NRK: variants seen among roughly 807,000 people sequenced by gnomAD.
NRK encodes nik-related protein kinase.
A neutral mutation model predicts 125.2 loss-of-function variants in NRK; 67 were observed. The observed-to-expected ratio is 0.54, with a 90% CI of 0.44 to 0.66. The LOEUF is 0.66. NRK is among the 30% of genes least tolerant of loss of function. The probability of loss-of-function intolerance (pLI) is 0.00; values close to 1 mark genes in which losing one functional copy is unlikely to be tolerated. For synonymous variants in NRK, 458 were observed against 429.0 expected, an observed-to-expected ratio of 1.07 and a Z score of -0.84; for missense variants, 1,224 against 1,192.9, an observed-to-expected ratio of 1.03 and a Z score of -0.38.
At chrX:105,855,353 T>A (rs764965510) in intron 2 of NRK, among the ~76,000 whole-genome samples, 1 of 111,744 alleles carries the variant, frequency 8.9e-6, no homozygotes, top group African/African-American at 3.2e-5. Context: ...AAGAAATAAT[T>A]GTAATACAAT....
intron 7 of NRK, 43 bp from the exon 8 acceptor site, chrX:105,898,541 T>G (rs2040114509): frequency 8.7e-7 from 1 of 1,145,949 alleles, no homozygotes. Flanking sequence ...ATTAAGCTTT[T>G]TTCTCCTGAT....
intron 23 of NRK, 42 bp downstream of exon 23, chrX:105,940,074 C>T (rs1409046884): frequency 4.1e-6 from 4 of 974,017 alleles, no homozygotes; most frequent in Non-Finnish European, 5.6e-6. Flanking sequence ...ATAAATTTTG[C>T]ATCCTTTCAT....
At chrX:105,885,718 C>G (rs1445825676) in intron 4 of NRK, among the ~76,000 whole-genome samples, 1 of 111,717 alleles carries the variant, frequency 9.0e-6, no homozygotes, top group Non-Finnish European at 1.9e-5. Context: ...ATGAAGGAGG[C>G]TGATGTTTGT....
chrX:105,935,376 T>C (rs1313402062), intron 21 of NRK, 51 bp downstream of exon 21: 2 of 832,156 alleles, frequency 2.4e-6, no homozygotes, highest in South Asian at 2.6e-5. Flanking sequence ...AGCAAACCTG[T>C]GAAAATCATA....
At chrX:105,825,973 T>A (rs1379589159) in intron 1 of NRK, among the ~76,000 whole-genome samples, 1 of 105,536 alleles carries the variant, frequency 9.5e-6, no homozygotes, top group Non-Finnish European at 1.9e-5. Context: ...AATATATGTG[T>A]GTATGTATAT....
intron 2 of NRK, among the ~76,000 whole-genome samples, chrX:105,850,594 T>G (rs766830362): frequency 2.6e-4 from 29 of 112,530 alleles, no homozygotes; most frequent in Non-Finnish European, 4.5e-4. Flanking sequence ...CCAAGTCACC[T>G]TTTGAATGCT....
intron 14 of NRK, among the ~76,000 whole-genome samples, chrX:105,915,075 AT>A (rs756909003): frequency 2.7e-5 from 3 of 109,184 alleles, no homozygotes; most frequent in Admixed American, 1.0e-4. Context: ...ATATTCAATG[AT>A]TGTATGATTA....
chrX:105,831,082 A>G lies in NRK; in HGVS notation c.86A>G (p.Lys29Arg). 8.6e-7 allele frequency: 1 copy of G among 1,168,556 alleles called. No homozygotes were observed. The highest frequency in any genetic ancestry group is 2.2e-5 in the Admixed American group (1 of 44,964). ...CCAACTGGAATATTCTCACTAGATA[A>G]AACCATTGGCCTTGGTACTTATGGC... is the stretch of plus-strand genomic sequence containing the variant. Reference protein sequence around the residue: ...PDPTGIFSLDKTIGLGTYGRI... With the variant: ...PDPTGIFSLDRTIGLGTYGRI... Residue 29 changes from lysine to arginine, a missense_variant, in exon 2 of 29, where the codon AAA becomes AGA. Transcript: ENST00000243300.
intron 2 of NRK, among the ~76,000 whole-genome samples, chrX:105,857,940 C>T (rs1474011113): frequency 2.7e-5 from 3 of 110,725 alleles, no homozygotes; most frequent in Non-Finnish European, 3.8e-5. Context: ...TAGTATCCAT[C>T]CCTTGCATCC....
intron 2 of NRK, among the ~76,000 whole-genome samples, chrX:105,833,807 C>T (rs369360949): frequency 5.9e-4 from 66 of 111,322 alleles, no homozygotes; most frequent in African/African-American, 2.0e-3. Flanking sequence ...CAATGTACAT[C>T]TTAAACTAAT....
At chrX:105,911,212 C>T (rs1031292410) in intron 13 of NRK, among the ~76,000 whole-genome samples, 4 of 111,869 alleles carry the variant, frequency 3.6e-5, no homozygotes, top group Non-Finnish European at 7.5e-5. Flanking sequence ...GTCACTAAAA[C>T]GTAATTGTTT....
At chrX:105,919,002 G>GAAAAAAAAAA (rs57376881) in intron 16 of NRK, among the ~76,000 whole-genome samples, 1 of 39,490 alleles carries the variant, frequency 2.5e-5, no homozygotes, top group African/African-American at 9.0e-5. Context: ...ATGGTTTCCT[G>GAAAAAAAAAA]AAAAAAAAAA....
intron 13 of NRK, 28 bp from the exon 14 acceptor site, chrX:105,912,620 A>G: frequency 1.2e-6 from 1 of 817,444 alleles, no homozygotes. Flanking sequence ...CAACAATTAA[A>G]ACAATTACTT....
chrX:105,905,602 C>T (rs2040210679), intron 10 of NRK, among the ~76,000 whole-genome samples: 1 of 112,529 alleles, frequency 8.9e-6, no homozygotes, highest in Admixed American at 9.4e-5. Context: ...TCAGTTGTTT[C>T]CCCAGTAATG....
At chrX:105,854,337 T>TTTGACTAGG (rs1194611693) in intron 2 of NRK, among the ~76,000 whole-genome samples, 1 of 111,907 alleles carries the variant, frequency 8.9e-6, no homozygotes, top group Admixed American at 9.5e-5. Flanking sequence ...AATCCAGTTG[T>TTTGACTAGG]TTGACTAGGT....
In NRK at chrX:105,951,182, CAT is replaced by C. The variant is rs747834735; in HGVS notation, c.4513+1449_4513+1450del. ...GCAAAAGAAAGTAAAAATAATGACT[CAT>C]GTTCTATCCTTTACAGTGGTACTTT... On this transcript the variant is annotated intron_variant, in intron 27 of 28. Coordinates refer to ENST00000243300, the MANE Select transcript of NRK (RefSeq NM_198465.4). Among the ~76,000 whole-genome samples the C allele has an allele frequency of 2.7e-5, 3 of 111,020 alleles. No homozygotes were observed. In the South Asian group the frequency reaches 1.1e-3, roughly 42 times the overall value.
intron 4 of NRK, among the ~76,000 whole-genome samples, chrX:105,887,941 T>A (rs2039968303): frequency 8.9e-6 from 1 of 112,114 alleles, no homozygotes; most frequent in African/African-American, 3.2e-5. Flanking sequence ...TTTAAATGGG[T>A]GAATTTTATA....
intron 5 of NRK, among the ~76,000 whole-genome samples, 196 bp downstream of exon 5, chrX:105,888,615 A>G (rs1468072973): frequency 9.0e-6 from 1 of 111,049 alleles, no homozygotes; most frequent in East Asian, 2.8e-4. Context: ...CATTAGACAT[A>G]CCCGAGACTA....
intron 2 of NRK, among the ~76,000 whole-genome samples, chrX:105,836,971 G>A (rs2039274148): frequency 8.9e-6 from 1 of 111,970 alleles, no homozygotes; most frequent in Admixed American, 9.5e-5. Context: ...TTTTTTAAAA[G>A]TTCAATTACA....
Sources: gnomAD v4.1 joint callset for allele counts (sites outside exome capture counted in the v4.1 genomes callset) on GRCh38, gnomAD v4.1.1 for gene constraint, MANE v1.5 for transcripts, NCBI Gene and HGNC (gene_info 2026-07-23, HGNC 2026-07-21) for gene names.